The following RAB27B variants were observed in gnomAD, a reference collection of about 807,000 sequenced individuals.
RAB27B encodes ras-related protein Rab-27B.
RAB27B carries 15 observed loss-of-function variants against 24.6 expected under a neutral mutation model. The ratio of observed to expected loss-of-function variants is 0.61; its 90% CI spans 0.41 to 0.94. The LOEUF (loss-of-function observed/expected upper bound fraction) is 0.94, where lower values mean the gene tolerates loss of function less well. Among genes scored for constraint, RAB27B ranks in the 40% least tolerant of loss-of-function variants. The pLI is 0.00. For synonymous variants in RAB27B, 105 were observed against 92.5 expected (o/e 1.14, Z -0.78); for missense variants, 261 against 266.8 (o/e 0.98, Z 0.15).
intron 4 of RAB27B, among the ~76,000 whole-genome samples, chr18:54,887,697 T>A (rs1044205776): frequency 1.3e-5 from 2 of 152,174 alleles, no homozygotes; most frequent in Non-Finnish European, 2.9e-5. Flanking sequence ...GGAATACATA[T>A]GATGTATTAA....
At chr18:54,724,448 G>A (rs190440508) in intron 2 of RAB27B, among the ~76,000 whole-genome samples, 2 of 151,622 alleles carry the variant, frequency 1.3e-5, no homozygotes, top group East Asian at 3.9e-4. Flanking sequence ...TACTGGCTGG[G>A]TGCCGTGGCT....
At chr18:54,865,627 G>A (rs1390221461) in intron 1 of RAB27B, among the ~76,000 whole-genome samples, 1 of 152,182 alleles carries the variant, frequency 6.6e-6, no homozygotes, top group African/African-American at 2.4e-5. Context: ...TGAAGCAGAA[G>A]TTCTTTGATC....
At chr18:54,879,240 C>T (rs946892822) in intron 2 of RAB27B, 129 bp from the exon 3 acceptor site, 10 of 689,104 alleles carry the variant, frequency 1.5e-5, no homozygotes, top group Non-Finnish European at 2.0e-5. Flanking sequence ...AAAAATAAAG[C>T]AAATATTTAT....
chr18:54,781,692 G>A (rs1418801020), intron 2 of RAB27B, among the ~76,000 whole-genome samples: 1 of 152,136 alleles, frequency 6.6e-6, no homozygotes, highest in East Asian at 1.9e-4. Flanking sequence ...CAGGCACCAT[G>A]TTACTACATT....
intron 2 of RAB27B, among the ~76,000 whole-genome samples, chr18:54,823,186 G>A (rs1028366594): frequency 6.6e-6 from 1 of 152,186 alleles, no homozygotes; most frequent in African/African-American, 2.4e-5. Context: ...TTACATATTC[G>A]TTGTGAAGAA....
At chr18:54,731,689 CA>C (rs555513677) in intron 2 of RAB27B, among the ~76,000 whole-genome samples, 3 of 152,024 alleles carry the variant, frequency 2.0e-5, no homozygotes, top group African/African-American at 4.8e-5. Context: ...ATAACAACAA[CA>C]AAAAAAGAAA....
chr18:54,870,013 T>G (rs1912399230), intron 1 of RAB27B, among the ~76,000 whole-genome samples: 1 of 152,132 alleles, frequency 6.6e-6, no homozygotes. Context: ...CAACGTGGTT[T>G]TACATAGAAT....
Position 54,879,423 on chromosome 18 carries a change from C to A in RAB27B, c.208C>A (p.Leu70Ile). The change falls in exon 3 of 6, where the codon CTT (leucine) becomes ATT (isoleucine). Residue 70 changes from leucine to isoleucine, a missense_variant. By Grantham distance (5) the Leu-to-Ile change is conservative (BLOSUM62 2). Coordinates refer to ENST00000262094, the MANE Select transcript of RAB27B (RefSeq NM_004163.4). ...GSSGKAFKVH[L>I]QLWDTAGQER... ...TTCAGGGAAAGCATTTAAAGTGCAT[C>A]TTCAGCTTTGGGACACTGCGGGACA... is the stretch of plus-strand genomic sequence containing the variant. 1 of 1,613,016 alleles carries A rather than the reference C, an allele frequency of 6.2e-7. No individual in the cohort carries two copies. The highest frequency in any genetic ancestry group is 8.5e-7 in the Non-Finnish European group (1 of 1,179,076).
At chr18:54,755,723 A>G (rs1907984640) in intron 2 of RAB27B, among the ~76,000 whole-genome samples, 1 of 152,222 alleles carries the variant, frequency 6.6e-6, no homozygotes, top group South Asian at 2.1e-4. Context: ...CTTTATTAAC[A>G]TTTAGTTTGA....
chr18:54,828,371 C>A (rs573338377), upstream of RAB27B: 4 of 152,240 alleles, frequency 2.6e-5, no homozygotes, highest in Non-Finnish European at 5.9e-5. Flanking sequence ...CTGAGGTGAG[C>A]TCCGCACATC....
intron 1 of RAB27B, among the ~76,000 whole-genome samples, chr18:54,864,664 C>G (rs1598972672): frequency 6.6e-6 from 1 of 151,948 alleles, no homozygotes; most frequent in East Asian, 1.9e-4. Context: ...AAGGACTATT[C>G]TTTTTCCCAT....
At chr18:54,739,163 AC>A (rs1285746055) in intron 2 of RAB27B, among the ~76,000 whole-genome samples, 2 of 152,192 alleles carry the variant, frequency 1.3e-5, no homozygotes, top group Non-Finnish European at 2.9e-5. Flanking sequence ...ATATAGAAAT[AC>A]TACCTTTTGG....
At position 54,888,102 on chromosome 18, in the gene RAB27B, C is replaced by A; in HGVS notation, c.451C>A (p.Leu151Met). 6.2e-7 allele frequency: 1 copy of A among 1,612,812 alleles called. No individual in the cohort carries two copies. The highest frequency in any genetic ancestry group is 8.5e-7 in the Non-Finnish European group (1 of 1,179,186). ...AGTCAATGAACGGCAAGCTCGGGAA[C>A]TGGCTGACAAATATGGGTAAGTCAG... ...REVNERQARE[L>M]ADKYGIPYFE... Residue 151 changes from leucine (L) to methionine (M), a missense_variant, in exon 5 of 6, where the codon CTG becomes ATG. Leu to Met is a conservative substitution (Grantham distance 15, BLOSUM62 2). Coordinates refer to ENST00000262094, the MANE Select transcript of RAB27B (RefSeq NM_004163.4).
chr18:54,755,106 A>G (rs1366402844), intron 2 of RAB27B, among the ~76,000 whole-genome samples: 2 of 152,138 alleles, frequency 1.3e-5, no homozygotes, highest in Admixed American at 6.6e-5. Flanking sequence ...CATGTCACTT[A>G]AGGCTGGGCA....
At chr18:54,757,557 C>G (rs1275948332) in intron 2 of RAB27B, among the ~76,000 whole-genome samples, 1 of 152,066 alleles carries the variant, frequency 6.6e-6, no homozygotes, top group Non-Finnish European at 1.5e-5. Context: ...TTTACAACCT[C>G]TTGTATATAT....
At position 54,855,065 on chromosome 18, in the gene RAB27B, G is replaced by A. The variant is rs576711586; in HGVS notation, c.-19-22502G>A. On this transcript the variant is annotated intron_variant, in intron 1 of 5. Coordinates refer to ENST00000262094, the MANE Select transcript of RAB27B (RefSeq NM_004163.4). ...GCCCTGAGCTTGTTTTCCCGCAACT[G>A]GACTGTCCCATCTGGGGGTGATGGG... Among the ~76,000 whole-genome samples the A allele has an allele frequency of 1.1e-4, 16 of 152,242 alleles. No homozygotes were observed. The South Asian group carries it at 3.3e-3, about 32-fold the overall frequency.
At chr18:54,796,087 G>T (rs2145120592) in intron 2 of RAB27B, among the ~76,000 whole-genome samples, 1 of 152,262 alleles carries the variant, frequency 6.6e-6, no homozygotes, top group Non-Finnish European at 1.5e-5. Flanking sequence ...GGTGAAATGG[G>T]AGAGTTTCCT....
chr18:54,852,521 C>G (rs1438128870), intron 1 of RAB27B, among the ~76,000 whole-genome samples: 2 of 152,134 alleles, frequency 1.3e-5, no homozygotes, highest in Non-Finnish European at 2.9e-5. Flanking sequence ...AGCCAAAATG[C>G]CTTCTTGAGA....
At chr18:54,887,058 C>G (rs1913173304) in intron 4 of RAB27B, among the ~76,000 whole-genome samples, 1 of 118,686 alleles carries the variant, frequency 8.4e-6, no homozygotes, top group East Asian at 3.0e-4. Context: ...TTACTTCCCT[C>G]CCTCCCTCCC....
Sources: gnomAD v4.1 joint callset for allele counts (sites outside exome capture counted in the v4.1 genomes callset) on GRCh38, gnomAD v4.1.1 for gene constraint, MANE v1.5 for transcripts, NCBI Gene and HGNC (gene_info 2026-07-23, HGNC 2026-07-21) for gene names.